Variants in STARD13 observed in about 807,000 individuals in gnomAD.
STARD13 encodes stAR-related lipid transfer protein 13.
STARD13 carries 62 observed loss-of-function variants against 106.4 expected under a neutral mutation model. The observed-to-expected ratio is 0.58, with a 90% CI of 0.48 to 0.72. The LOEUF is 0.72. Among genes scored for constraint, STARD13 ranks in the 30% least tolerant of loss-of-function variants. The probability of loss-of-function intolerance (pLI) is 0.00; values close to 1 mark genes in which losing one functional copy is unlikely to be tolerated. For synonymous variants in STARD13, 565 were observed against 553.0 expected (o/e 1.02, Z -0.31); for missense variants, 1,387 against 1,424.0 (o/e 0.97, Z 0.42).
At chr13:33,456,553 T>C in the STARD13 span, among the ~76,000 whole-genome samples, 1 of 152,182 alleles carries the variant, frequency 6.6e-6, no homozygotes. Flanking sequence ...TGTTGTTTTC[T>C]CCTCAGGCCT....
intron 1 of STARD13, among the ~76,000 whole-genome samples, chr13:33,230,321 T>G (rs1888850952): frequency 6.6e-6 from 1 of 152,158 alleles, no homozygotes; most frequent in South Asian, 2.1e-4. Flanking sequence ...AAAAAGCCAG[T>G]ACATGCACAT....
At chr13:33,613,264 A>C in the STARD13 span, among the ~76,000 whole-genome samples, 1 of 152,242 alleles carries the variant, frequency 6.6e-6, no homozygotes, top group Non-Finnish European at 1.5e-5. Context: ...AAAGTGGATG[A>C]GGCTCAGAAA....
the STARD13 span, among the ~76,000 whole-genome samples, chr13:33,553,772 G>T: frequency 1.3e-5 from 2 of 151,726 alleles, no homozygotes; most frequent in African/African-American, 4.8e-5. Context: ...TAGAGACGGG[G>T]TTTCACCATG....
At chr13:33,467,077 A>C in the STARD13 span, among the ~76,000 whole-genome samples, 1 of 152,084 alleles carries the variant, frequency 6.6e-6, no homozygotes, top group Non-Finnish European at 1.5e-5. Context: ...GGATTCAAAA[A>C]CATTACATTT....
chr13:33,122,732 G>T (rs1410249237), intron 7 of STARD13, among the ~76,000 whole-genome samples: 1 of 152,050 alleles, frequency 6.6e-6, no homozygotes, highest in African/African-American at 2.4e-5. Context: ...TCTTTCTGTT[G>T]TCTTTCACCT....
the STARD13 span, among the ~76,000 whole-genome samples, chr13:33,521,404 G>C: frequency 6.6e-6 from 1 of 152,076 alleles, no homozygotes. Flanking sequence ...AATTAGAAGT[G>C]AGTTGACTCT....
chr13:33,328,427 C>T (rs1309025500), intron 1 of STARD13, among the ~76,000 whole-genome samples: 3 of 152,212 alleles, frequency 2.0e-5, no homozygotes, highest in East Asian at 1.9e-4. Context: ...AAATAATGCA[C>T]GAGACGTGCT....
chr13:33,518,955 G>A, the STARD13 span, among the ~76,000 whole-genome samples: 18 of 152,206 alleles, frequency 1.2e-4, no homozygotes, highest in East Asian at 3.5e-3. Context: ...CAAGGCACAT[G>A]ATGACAAAGA....
chr13:33,260,038 T>G (rs975369001), intron 1 of STARD13, among the ~76,000 whole-genome samples: 1 of 149,668 alleles, frequency 6.7e-6, no homozygotes, highest in African/African-American at 2.5e-5. Flanking sequence ...TTAAAATATC[T>G]CCTATAATTA....
the STARD13 span, among the ~76,000 whole-genome samples, chr13:33,457,778 T>G: frequency 3.3e-5 from 5 of 152,336 alleles, no homozygotes; most frequent in South Asian, 1.0e-3. Flanking sequence ...GATCCCATCA[T>G]AAGGGTTTCA....
the STARD13 span, among the ~76,000 whole-genome samples, chr13:33,572,548 T>C: frequency 6.6e-6 from 1 of 152,238 alleles, no homozygotes; most frequent in South Asian, 2.1e-4. Context: ...TCTTTTAATT[T>C]GTTTGAAGTG....
At chr13:33,502,464 G>C in the STARD13 span, among the ~76,000 whole-genome samples, 1 of 152,290 alleles carries the variant, frequency 6.6e-6, no homozygotes, top group East Asian at 1.9e-4. Flanking sequence ...TCTTGTGCCA[G>C]TTTTCAAAGG....
chr13:33,174,064 AT>A (rs1476206460), intron 1 of STARD13, among the ~76,000 whole-genome samples: 1 of 152,172 alleles, frequency 6.6e-6, no homozygotes, highest in Non-Finnish European at 1.5e-5. Flanking sequence ...CTTAATTCCT[AT>A]TAGAGTAAAA....
intron 1 of STARD13, among the ~76,000 whole-genome samples, 190 bp from the exon 2 acceptor site, chr13:33,167,812 T>C (rs1883503573): frequency 6.6e-6 from 1 of 152,184 alleles, no homozygotes; most frequent in Non-Finnish European, 1.5e-5. Flanking sequence ...AGGTCCTTGT[T>C]ATGTGTCTGC....
the STARD13 span, among the ~76,000 whole-genome samples, chr13:33,418,408 G>C: frequency 6.6e-6 from 1 of 152,344 alleles, no homozygotes; most frequent in Admixed American, 6.5e-5. Context: ...CATTGCTGAG[G>C]CTTAAGTAGG....
chr13:33,215,284 C>G (rs1019943857), intron 1 of STARD13, among the ~76,000 whole-genome samples: 2 of 152,142 alleles, frequency 1.3e-5, no homozygotes, highest in Non-Finnish European at 2.9e-5. Context: ...ATCCTTGCAG[C>G]TTGGGCTCTG....
At chr13:33,159,901 A>G (rs1371520821) in intron 3 of STARD13, among the ~76,000 whole-genome samples, 1 of 152,232 alleles carries the variant, frequency 6.6e-6, no homozygotes, top group Non-Finnish European at 1.5e-5. Context: ...TGAGATATCA[A>G]TTCTGAACAA....
the STARD13 span, among the ~76,000 whole-genome samples, chr13:33,604,744 A>G: frequency 1.3e-4 from 20 of 151,962 alleles, no homozygotes; most frequent in South Asian, 6.2e-4. Context: ...GGTTGCAGTG[A>G]GCTGAGATTG....
At chr13:33,634,834 T>G in the STARD13 span, among the ~76,000 whole-genome samples, 3 of 152,116 alleles carry the variant, frequency 2.0e-5, no homozygotes, top group Non-Finnish European at 4.4e-5. Flanking sequence ...TCGCTGCGAA[T>G]GAAGGGTGGA....
Sources: allele counts gnomAD v4.1 joint callset (sites outside exome capture counted in the v4.1 genomes callset), GRCh38; gene constraint gnomAD v4.1.1; transcripts MANE v1.5; gene names NCBI Gene and HGNC (gene_info 2026-07-23, HGNC 2026-07-21).